Variants in GMCL1 observed in about 807,000 individuals in gnomAD.
GMCL1 encodes germ cell-less 1, spermatogenesis associated.
Under a neutral mutation model 75.5 loss-of-function variants are expected in GMCL1, and 54 were observed. The observed-to-expected ratio is 0.71, with a 90% confidence interval of 0.57 to 0.90. The LOEUF is 0.90. Among genes scored for constraint, GMCL1 ranks in the 40% least tolerant of loss-of-function variants. The pLI is 0.00. For synonymous variants in GMCL1, 210 were observed against 209.6 expected (o/e 1.00, Z -0.02); for missense variants, 537 against 622.7 (o/e 0.86, Z 1.47).
chr2:69,848,996 A>C (rs1394393401), intron 7 of GMCL1, among the ~76,000 whole-genome samples: 1 of 152,126 alleles, frequency 6.6e-6, no homozygotes, highest in Admixed American at 6.5e-5. Context: ...TATAGTATTT[A>C]GTGAAATTGA....
At position 69,830,169 on chromosome 2, in the gene GMCL1, AC is replaced by A; in HGVS notation, c.260+20del. 1 of 1,546,360 alleles carries A rather than the reference AC, an allele frequency of 6.5e-7. No individual in the cohort carries two copies. The highest frequency in any genetic ancestry group is 8.7e-7 in the Non-Finnish European group (1 of 1,145,758). On this transcript the variant is annotated intron_variant, in intron 1 of 13. Transcript: ENST00000282570. ...CCCTCGAAGGTACGTGGGGGCACGCACCCGCGCGGACCCGGACCCGCACCTG... is the reference window on the plus strand; with the variant it reads ...CCCTCGAAGGTACGTGGGGGCACGCACCGCGCGGACCCGGACCCGCACCTG...
intron 11 of GMCL1, among the ~76,000 whole-genome samples, chr2:69,868,536 T>TA (rs1456590475): frequency 6.6e-6 from 1 of 151,936 alleles, no homozygotes; most frequent in Non-Finnish European, 1.5e-5. Flanking sequence ...TTACTTGAGT[T>TA]AGAGTATTTT....
chr2:69,843,260 A>G lies in GMCL1; in HGVS notation c.691A>G (p.Lys231Glu), dbSNP rs746874561. ...GTYGLDSVKKKCLEWLLNNLM... is the reference protein window; with the variant it reads ...GTYGLDSVKKECLEWLLNNLM... ...CTATGGATTAGATTCTGTAAAGAAA[A>G]AGTGAGTTGCCTTTCTTGTTTTTCT... Residue 231 changes from lysine (K) to glutamate (E), a missense_variant and splice_region_variant, in exon 5 of 14, where the codon AAG becomes GAG. Around this residue, in one of 3 missense-constraint regions of GMCL1, gnomAD observed 345 missense variants for 410.5 expected, o/e 0.84. Coordinates refer to ENST00000282570, the MANE Select transcript of GMCL1 (RefSeq NM_178439.5). 1 of 1,531,658 alleles carries G rather than the reference A, an allele frequency of 6.5e-7. No homozygotes were observed. The highest frequency in any genetic ancestry group is 1.1e-5 in the South Asian group (1 of 88,372). The allele number at this position is 1,531,658 out of a possible 1,614,324, so 94.9% of individuals were successfully genotyped here. A position where few individuals can be genotyped will look rare whatever the true frequency, so the allele number is the denominator to read the frequency against.
rs943675080 is a variant in GMCL1 at position 69,880,241 on chromosome 2, A to C, written c.*1237A>C. ...TTTTATGTATCTGTGCAAATAATAA[A>C]TGCCCATTTGGAAAAAGAGTAAGCT... On this transcript the variant is annotated 3_prime_UTR_variant, in exon 14 of 14. Coordinates refer to ENST00000282570, the MANE Select transcript of GMCL1 (RefSeq NM_178439.5). 7 of 152,188 alleles carry C rather than the reference A, an allele frequency of 4.6e-5. No individual in the cohort carries two copies. Among genetic ancestry groups the C allele is most frequent in the Non-Finnish European group, 8.8e-5 (6 of 68,028 alleles). 9.4% of individuals were successfully genotyped at this position (152,188 alleles called of 1,614,324 possible).
At chr2:69,848,143 A>G (rs761449473) in intron 7 of GMCL1, among the ~76,000 whole-genome samples, 2 of 152,222 alleles carry the variant, frequency 1.3e-5, no homozygotes, top group Non-Finnish European at 2.9e-5. Context: ...TTCCATGTAG[A>G]TAGTGAGACT....
chr2:69,839,430 A>T, intron 2 of GMCL1, 27 bp from the exon 3 acceptor site: 1 of 1,373,036 alleles, frequency 7.3e-7, no homozygotes, highest in Non-Finnish European at 1.0e-6. Context: ...AGTACTTGAT[A>T]ATCGTTGACT....
intron 6 of GMCL1, 24 bp from the exon 7 acceptor site, chr2:69,847,519 A>G: frequency 1.4e-6 from 2 of 1,426,258 alleles, no homozygotes; most frequent in Non-Finnish European, 2.0e-6. Flanking sequence ...AGATAAGCTC[A>G]CTCCCTCTAT....
chr2:69,832,153 G>A (rs994020203), intron 1 of GMCL1, among the ~76,000 whole-genome samples: 5 of 151,826 alleles, frequency 3.3e-5, no homozygotes, highest in African/African-American at 7.3e-5. Flanking sequence ...CCTGGGAGGC[G>A]AGGTTGCAGT....
At chr2:69,861,246 TTTATTA>T in intron 9 of GMCL1, 26 bp from the exon 10 acceptor site, 1 of 1,393,816 alleles carries the variant, frequency 7.2e-7, no homozygotes, top group Non-Finnish European at 1.0e-6. Flanking sequence ...TCAGTCGTTA[TTTATTA>T]TTATTAATTT....
Position 69,841,145 on chromosome 2 carries a change from T to C in GMCL1, c.579+106T>C, listed in dbSNP as rs1239959237. 3 of 711,872 alleles carry C rather than the reference T, an allele frequency of 4.2e-6. No individual in the cohort carries two copies. In the African/African-American group the frequency reaches 5.4e-5, roughly 13 times the overall value. The allele number at this position is 711,872 out of a possible 1,614,324, so 44.1% of individuals were successfully genotyped here. The stretch of plus-strand genomic sequence containing the variant: ...GCTTAGCTTTTTTGGAGTTTTTAAA[T>C]AAAAATGAAATGTATAAATATGACA... On this transcript the variant is annotated intron_variant, in intron 4 of 13. Transcript: ENST00000282570.
At chr2:69,853,150 A>G (rs973405254) in intron 8 of GMCL1, among the ~76,000 whole-genome samples, 1 of 152,230 alleles carries the variant, frequency 6.6e-6, no homozygotes, top group Non-Finnish European at 1.5e-5. Flanking sequence ...AGATTTTTAT[A>G]TCTTGTTCAT....
At chr2:69,834,756 A>C (rs921443787) in intron 1 of GMCL1, among the ~76,000 whole-genome samples, 2 of 152,052 alleles carry the variant, frequency 1.3e-5, no homozygotes, top group African/African-American at 4.8e-5. Flanking sequence ...ATACTACCTT[A>C]GTTTTGGGAA....
chr2:69,866,187 G>T (rs1019026334), intron 11 of GMCL1, among the ~76,000 whole-genome samples: 5 of 151,460 alleles, frequency 3.3e-5, no homozygotes, highest in Admixed American at 6.6e-5. Context: ...GGCAGACGTT[G>T]CAGTGAGTCA....
At chr2:69,834,105 G>A (rs1674750635) in intron 1 of GMCL1, among the ~76,000 whole-genome samples, 1 of 152,104 alleles carries the variant, frequency 6.6e-6, no homozygotes, top group Admixed American at 6.6e-5. Flanking sequence ...TTTGGACAGT[G>A]CCTTTTTTTG....
Position 69,847,606 on chromosome 2 carries a change from T to C in GMCL1, c.822T>C (p.Asp274=), listed in dbSNP as rs747611619. The C allele has an allele frequency of 6.2e-7, 1 of 1,602,800 alleles. No homozygotes were observed. Among genetic ancestry groups the C allele is most frequent in the Non-Finnish European group, 8.5e-7 (1 of 1,170,066 alleles). The change falls in exon 7 of 14, where the codon GAT becomes GAC. Residue 274 remains aspartate (D), a synonymous_variant. Coordinates refer to ENST00000282570, the MANE Select transcript of GMCL1 (RefSeq NM_178439.5). The stretch of plus-strand genomic sequence containing the variant: ...TATTTGTGATGCAAGTGGAGATGGA[T>C]ATATACACTGCTCTAAAAAAGGTAC... ...SNLFVMQVEM[D]IYTALKKWMF...
chr2:69,842,438 T>G (rs1283972758), intron 4 of GMCL1, among the ~76,000 whole-genome samples: 3 of 152,226 alleles, frequency 2.0e-5, no homozygotes, highest in African/African-American at 7.2e-5. Flanking sequence ...CAATACTTAC[T>G]TCCAATAAGT....
Position 69,849,743 on chromosome 2 carries a change from G to C in GMCL1, c.934+1G>C, listed in dbSNP as rs1400452093. 1 of 1,564,484 alleles carries C rather than the reference G, an allele frequency of 6.4e-7. No homozygotes were observed. The highest frequency in any genetic ancestry group is 8.6e-7 in the Non-Finnish European group (1 of 1,157,472). On this transcript the variant is annotated splice_donor_variant, in intron 8 of 13. Transcript: ENST00000282570. LOFTEE classifies it high-confidence loss of function. The stretch of plus-strand genomic sequence containing the variant: ...GTCTGGTTTTCTAAACAGAGGAAAG[G>C]TAGGCCTGAAGTTTTTGAGAACTTG...
At chr2:69,873,808 C>T (rs930396941) in intron 13 of GMCL1, 2 of 168,238 alleles carry the variant, frequency 1.2e-5, no homozygotes. Context: ...ACTTGTTGGT[C>T]GCATAGTGGT....
At position 69,844,182 on chromosome 2, in the gene GMCL1, T is replaced by TTA; in HGVS notation, c.745_746insAT (p.Phe249TyrfsTer7). 6.4e-7 allele frequency: 1 copy of TTA among 1,566,928 alleles called. No homozygotes were observed. The highest frequency in any genetic ancestry group is 8.7e-7 in the Non-Finnish European group (1 of 1,153,592). On this transcript the variant is annotated frameshift_variant, in exon 6 of 14. Coordinates refer to ENST00000282570, the MANE Select transcript of GMCL1 (RefSeq NM_178439.5). LOFTEE classifies it high-confidence loss of function. ...TGATGACTCACCAGAATGTTGAACTTTTTAAAGAACTCAGGTATTTGAATT... is the reference window on the plus strand; with the variant it reads ...TGATGACTCACCAGAATGTTGAACTTTATTTAAAGAACTCAGGTATTTGAATT...
Sources: gnomAD v4.1 joint callset for allele counts (sites outside exome capture counted in the v4.1 genomes callset) on GRCh38, gnomAD v4.1.1 for gene constraint, gnomAD v4.1.1 regional missense constraint, MANE v1.5 for transcripts, NCBI Gene and HGNC (gene_info 2026-07-23, HGNC 2026-07-21) for gene names.